NDUFAF7: variants seen among roughly 807,000 people sequenced by gnomAD.
NDUFAF7 encodes the protein NADH:ubiquinone oxidoreductase complex assembly factor 7.
In NDUFAF7, 48 loss-of-function variants were observed where a neutral mutation model predicts 47.2. The observed-to-expected ratio is 1.02, with a 90% CI of 0.81 to 1.29. The LOEUF is 1.29. NDUFAF7 is among the 50% of genes most tolerant of loss of function. NDUFAF7 has a pLI of 0.00. For synonymous variants in NDUFAF7, 217 were observed against 190.0 expected, an observed-to-expected ratio of 1.14 and a Z score of -1.17; for missense variants, 635 against 537.6, an observed-to-expected ratio of 1.18 and a Z score of -1.79.
At chr2:37,236,411 G>A (rs1304352217) in intron 3 of NDUFAF7, among the ~76,000 whole-genome samples, 1 of 152,054 alleles carries the variant, frequency 6.6e-6, no homozygotes, top group Non-Finnish European at 1.5e-5. Context: ...AGATAAGAGG[G>A]ACAAAGAGAA....
rs1163492717 is a variant in NDUFAF7, at chr2:37,237,832, C to G, written c.373C>G (p.Pro125Ala). ...STAFQLVELG[P>A]GRGTLVGDIL... ...AGCTTTCCAGCTGGTGGAACTGGGC[C>G]CAGGTAGGGGAACCCTCGTGGGAGA... Residue 125 changes from proline (P) to alanine (A), a missense_variant, in exon 4 of 10, where the codon CCA (proline) becomes GCA (alanine). Pro to Ala is a conservative substitution (Grantham distance 27, BLOSUM62 -1). Coordinates refer to ENST00000002125, the MANE Select transcript of NDUFAF7 (RefSeq NM_144736.5). 6.2e-7 allele frequency: 1 copy of G among 1,613,216 alleles called. No individual in the cohort carries two copies. Among genetic ancestry groups the G allele is most frequent in the Non-Finnish European group, 8.5e-7 (1 of 1,179,424 alleles).
At chr2:37,262,901 C>CA in the NDUFAF7 span, among the ~76,000 whole-genome samples, 1 of 147,624 alleles carries the variant, frequency 6.8e-6, no homozygotes, top group Admixed American at 7.1e-5. Flanking sequence ...TCCTTCCCCC[C>CA]CCCGTATTTG....
At position 37,248,978 on chromosome 2, in the gene NDUFAF7, A is replaced by C. The variant is rs1447942887; in HGVS notation, c.*628A>C. 1 of 153,824 alleles carries C rather than the reference A, an allele frequency of 6.5e-6. No individual in the cohort carries two copies. The highest frequency in any genetic ancestry group is 1.4e-5 in the Non-Finnish European group (1 of 69,076). The allele number at this position is 153,824 out of a possible 1,614,324, so 9.5% of individuals were successfully genotyped here. The stretch of plus-strand genomic sequence containing the variant: ...AAAATGGGAAACAGACTAAATGGCT[A>C]TTCACAGGAAACTGATAAGATATAT... On this transcript the variant is annotated 3_prime_UTR_variant, in exon 10 of 10. Coordinates refer to ENST00000002125, the MANE Select transcript of NDUFAF7 (RefSeq NM_144736.5).
At chr2:37,252,936 G>A (rs1209093562), downstream of NDUFAF7, 40 of 306,462 alleles carry the variant, frequency 1.3e-4, no homozygotes. Context: ...TACAAAACCA[G>A]TTATTGCTTA....
At chr2:37,267,182 A>T in the NDUFAF7 span, among the ~76,000 whole-genome samples, 2 of 152,212 alleles carry the variant, frequency 1.3e-5, no homozygotes, top group Non-Finnish European at 2.9e-5. Flanking sequence ...AAAATGTGGC[A>T]AAGTATCCTA....
chr2:37,259,189 C>A, the NDUFAF7 span, among the ~76,000 whole-genome samples: 1 of 152,144 alleles, frequency 6.6e-6, no homozygotes, highest in Admixed American at 6.5e-5. Context: ...ATACAATACT[C>A]TACATAGAAA....
intron 3 of NDUFAF7, among the ~76,000 whole-genome samples, chr2:37,237,425 A>G (rs558758544): frequency 4.6e-5 from 7 of 152,396 alleles, no homozygotes; most frequent in Admixed American, 6.5e-5. Context: ...TCATATGAAT[A>G]TGAAGAAATG....
the NDUFAF7 span, among the ~76,000 whole-genome samples, chr2:37,266,257 G>A: frequency 6.6e-6 from 1 of 152,150 alleles, no homozygotes; most frequent in Non-Finnish European, 1.5e-5. Flanking sequence ...CTTCTTCAAG[G>A]AAACTCAAGT....
In NDUFAF7 at chr2:37,231,772, T is replaced by A. The variant is rs760285776; in HGVS notation, c.55+12T>A. ...CGTGGCGCGCGCAGGTAAGCGTCAG[T>A]CCCCTCGAAGCCCGGTTGCCGTGGA... On this transcript the variant is annotated intron_variant, in intron 1 of 9. Transcript: ENST00000002125. 6.2e-7 allele frequency: 1 copy of A among 1,614,092 alleles called. No individual in the cohort carries two copies. Among genetic ancestry groups the A allele is most frequent in the Non-Finnish European group, 8.5e-7 (1 of 1,180,000 alleles).
chr2:37,235,038 G>T (rs1286111447), intron 2 of NDUFAF7, among the ~76,000 whole-genome samples: 1 of 152,150 alleles, frequency 6.6e-6, no homozygotes, highest in Non-Finnish European at 1.5e-5. Context: ...AATAAGGCAT[G>T]ATCTTCTGCA....
At position 37,241,665 on chromosome 2, in the gene NDUFAF7, G is replaced by C. The variant is rs1466188407; in HGVS notation, c.496G>C (p.Ala166Pro). 6.2e-7 allele frequency: 1 copy of C among 1,613,898 alleles called. No homozygotes were observed. The highest frequency in any genetic ancestry group is 1.7e-5 in the Admixed American group (1 of 59,990). Residue 166 changes from alanine to proline, a missense_variant, in exon 5 of 10, where the codon GCA (alanine) becomes CCA (proline). Physicochemically the swap from Ala to Pro is conservative, Grantham distance 27. Transcript: ENST00000002125. The stretch of plus-strand genomic sequence containing the variant: ...AAGCCAAAAATTAAGTGAGATTCAA[G>C]CATTGACACTGACTAAAGAGAAGGT... Reference protein sequence around the residue: ...EVSQKLSEIQALTLTKEKVPL... With the variant: ...EVSQKLSEIQPLTLTKEKVPL...
At chr2:37,249,558 G>GAC (rs56374800), downstream of NDUFAF7, among the ~76,000 whole-genome samples, 5,034 of 128,108 alleles carry the variant, frequency 0.039, 139 homozygotes, top group South Asian at 0.052. Flanking sequence ...GCCTGTGATA[G>GAC]ACACACACAC....
chr2:37,234,905 G>A (rs986695645), intron 2 of NDUFAF7, among the ~76,000 whole-genome samples: 1 of 152,118 alleles, frequency 6.6e-6, no homozygotes, highest in African/African-American at 2.4e-5. Context: ...GTGAGACTGG[G>A]GCCCATGTCA....
rs372839137 is a variant in NDUFAF7 at position 37,232,193 on chromosome 2, T to G, written c.143T>G (p.Met48Arg). ...NPVTPMLRHL[M>R]YKIKSTGPIT... ...GTGACGCCGATGCTGCGGCATCTTA[T>G]GTACAAAATAAAGTCTACTGGTCCC... Residue 48 changes from methionine (M) to arginine (R), a missense_variant, in exon 2 of 10, where the codon ATG becomes AGG. By Grantham distance (91) the Met-to-Arg change is moderately conservative (BLOSUM62 -1). Transcript: ENST00000002125. 1.2e-6 allele frequency: 2 copies of G among 1,614,162 alleles called. No homozygotes were observed. Among genetic ancestry groups the G allele is most frequent in the Non-Finnish European group, 1.7e-6 (2 of 1,180,038 alleles).
At chr2:37,261,357 G>C in the NDUFAF7 span, among the ~76,000 whole-genome samples, 1 of 152,120 alleles carries the variant, frequency 6.6e-6, no homozygotes, top group Non-Finnish European at 1.5e-5. Flanking sequence ...TGTGGTGACA[G>C]GTATCTGTAA....
downstream of NDUFAF7, chr2:37,256,628 ATTTTTTTTTTTTTTTTTT>A (rs56389006): frequency 3.6e-4 from 433 of 1,202,306 alleles, 3 homozygotes; most frequent in East Asian, 8.5e-3. Context: ...CATAGCCAAA[ATTTTTTTTTTTTTTTTTT>A]TTTTTTTTTT....
At chr2:37,241,880 A>G in intron 5 of NDUFAF7, 89 bp downstream of exon 5, 1 of 1,161,510 alleles carries the variant, frequency 8.6e-7, no homozygotes, top group Non-Finnish European at 1.2e-6. Flanking sequence ...GCAATATAAT[A>G]GATTGAGTTA....
chr2:37,264,892 CCAAGAGCT>C, the NDUFAF7 span, among the ~76,000 whole-genome samples: 1 of 152,136 alleles, frequency 6.6e-6, no homozygotes, highest in African/African-American at 2.4e-5. Context: ...AAGCCTGTCA[CCAAGAGCT>C]CAAGAGATTG....
downstream of NDUFAF7, among the ~76,000 whole-genome samples, chr2:37,256,439 G>T (rs972295523): frequency 8.5e-5 from 13 of 152,122 alleles, no homozygotes; most frequent in Non-Finnish European, 1.8e-4. Flanking sequence ...GGCCACTGGG[G>T]CCTATGTAAG....
Sources: allele counts gnomAD v4.1 joint callset (sites outside exome capture counted in the v4.1 genomes callset), GRCh38; gene constraint gnomAD v4.1.1; transcripts MANE v1.5; gene names NCBI Gene and HGNC (gene_info 2026-07-23, HGNC 2026-07-21).